Variants in CRAMP1 observed in about 807,000 individuals in gnomAD.
CRAMP1 encodes the protein cramped chromatin regulator 1.
A neutral mutation model predicts 115.4 loss-of-function variants in CRAMP1; 50 were observed. The ratio of observed to expected loss-of-function variants is 0.43; its 90% CI spans 0.35 to 0.55. CRAMP1 has a LOEUF of 0.55. Ranked by LOEUF, CRAMP1 falls within the 20% of genes least tolerant of loss-of-function variation. CRAMP1 has a pLI of 0.01. For synonymous variants in CRAMP1, 866 were observed against 745.4 expected (o/e 1.16, Z -2.64); for missense variants, 1,679 against 1,721.7 (o/e 0.98, Z 0.44).
intron 4 of CRAMP1, among the ~76,000 whole-genome samples, chr16:1,634,019 T>C (rs1418081159): frequency 4.8e-5 from 7 of 146,374 alleles, no homozygotes; most frequent in Admixed American, 1.4e-4. Flanking sequence ...AGAGCAAGAC[T>C]CCGTCTCAAA....
intron 18 of CRAMP1, among the ~76,000 whole-genome samples, chr16:1,668,502 C>T (rs1327056162): frequency 6.6e-6 from 1 of 152,276 alleles, no homozygotes; most frequent in African/African-American, 2.4e-5. Context: ...CCTGAGCAGG[C>T]GGCCTGGGGT....
chr16:1,673,319 T>TC (rs548452776), intron 20 of CRAMP1, among the ~76,000 whole-genome samples: 182 of 133,778 alleles, frequency 1.4e-3, no homozygotes, highest in Non-Finnish European at 1.8e-3. Context: ...CAGGAACGTG[T>TC]CCCCCACCTG....
chr16:1,631,871 G>A (rs2036550452), intron 3 of CRAMP1, among the ~76,000 whole-genome samples: 1 of 152,196 alleles, frequency 6.6e-6, no homozygotes, highest in African/African-American at 2.4e-5. Context: ...TTTTCTTCAT[G>A]GAGGTGTCTC....
chr16:1,670,587 A>G, intron 19 of CRAMP1, 77 bp from the exon 20 acceptor site: 2 of 1,530,198 alleles, frequency 1.3e-6, no homozygotes, highest in Non-Finnish European at 1.8e-6. Flanking sequence ...GGCTGCCCCC[A>G]GCCTCAGGAC....
intron 20 of CRAMP1, among the ~76,000 whole-genome samples, chr16:1,673,251 C>A (rs539924533): frequency 4.6e-5 from 7 of 151,304 alleles, no homozygotes; most frequent in African/African-American, 1.5e-4. Context: ...ACGTGCCCCC[C>A]ACCTGTCCTC....
intron 5 of CRAMP1, among the ~76,000 whole-genome samples, chr16:1,640,457 G>A (rs999897018): frequency 2.0e-5 from 3 of 152,156 alleles, no homozygotes; most frequent in Non-Finnish European, 2.9e-5. Flanking sequence ...TTTCAGCCTG[G>A]TCGTTCGTTT....
In CRAMP1 at chr16:1,668,200, G is replaced by T; in HGVS notation, c.3334+7G>T. Reference sequence around the variant, plus strand: ...ATCAGCTCCGGTCAGTACGGTAAGGGCAGGGCGGCCTCACAGCCCTTCCTG... The same window carrying T: ...ATCAGCTCCGGTCAGTACGGTAAGGTCAGGGCGGCCTCACAGCCCTTCCTG... On this transcript the variant is annotated splice_region_variant and intron_variant, in intron 18 of 20. Transcript: ENST00000397412. 8 of 1,604,254 alleles carry T rather than the reference G, an allele frequency of 5.0e-6. No individual in the cohort carries two copies. Among genetic ancestry groups the T allele is most frequent in the Non-Finnish European group, 6.8e-6 (8 of 1,171,736 alleles).
At chr16:1,646,082 C>T (rs2036672046) in intron 6 of CRAMP1, among the ~76,000 whole-genome samples, 1 of 152,194 alleles carries the variant, frequency 6.6e-6, no homozygotes, top group African/African-American at 2.4e-5. Flanking sequence ...CGAGGCTCTT[C>T]CGTGTTGACT....
At chr16:1,652,861 C>T (rs1391501360) in intron 7 of CRAMP1, among the ~76,000 whole-genome samples, 172 bp from the exon 8 acceptor site, 1 of 152,174 alleles carries the variant, frequency 6.6e-6, no homozygotes, top group Non-Finnish European at 1.5e-5. Flanking sequence ...TTTGCAAACC[C>T]CTGAGCAGCT....
intron 2 of CRAMP1, among the ~76,000 whole-genome samples, chr16:1,619,473 G>T (rs1596481172): frequency 6.6e-6 from 1 of 152,150 alleles, no homozygotes; most frequent in Non-Finnish European, 1.5e-5. Flanking sequence ...GAGCCACTGC[G>T]CCCGGCACAA....
chr16:1,668,281 A>G, intron 18 of CRAMP1, 88 bp downstream of exon 18: 1 of 1,042,378 alleles, frequency 9.6e-7, no homozygotes, highest in Non-Finnish European at 1.5e-6. Context: ...GGGATATTCC[A>G]GTTTTGTGAT....
chr16:1,671,678 G>A lies in CRAMP1; in HGVS notation c.3645+869G>A, dbSNP rs753345398. On this transcript the variant is annotated intron_variant, in intron 20 of 20. Coordinates refer to ENST00000397412, the MANE Select transcript of CRAMP1 (RefSeq NM_020825.4). The surrounding 1 kb of genome is among the most constrained non-coding windows in gnomAD (Gnocchi z 5.0). ...CCGAATCTAGTCCCCACAATGTTGA[G>A]ACATTGGCAGGTGTTCCTTGAGGAT... 6.6e-6 allele frequency among the ~76,000 whole-genome samples: 1 copy of A among 152,196 alleles called. No individual in the cohort carries two copies. The highest frequency in any genetic ancestry group is 2.4e-5 in the African/African-American group (1 of 41,446).
In CRAMP1 at chr16:1,675,403, CG is replaced by C. The variant is rs1208397925; in HGVS notation, c.*1361del. The C allele has an allele frequency of 1.5e-4, 23 of 152,722 alleles. No individual in the cohort carries two copies. Among genetic ancestry groups the C allele is most frequent in the African/African-American group, 5.5e-4 (23 of 41,576 alleles). 9.5% of individuals were successfully genotyped at this position (152,722 alleles called of 1,614,324 possible). ...GCCTCATTTCATCCCCCGCAGCAGC[CG>C]GGATTGATTGTGCTTTCCTAACCCC... On this transcript the variant is annotated 3_prime_UTR_variant, in exon 21 of 21. Transcript: ENST00000397412.
Position 1,632,318 on chromosome 16 carries a change from A to G in CRAMP1, c.647A>G (p.Tyr216Cys). 1 of 1,601,744 alleles carries G rather than the reference A, an allele frequency of 6.2e-7. No individual in the cohort carries two copies. The highest frequency in any genetic ancestry group is 8.5e-7 in the Non-Finnish European group (1 of 1,174,576). The change falls in exon 4 of 21, where the codon TAC (tyrosine) becomes TGC (cysteine). Residue 216 changes from tyrosine (Y) to cysteine (C), a missense_variant. Coordinates refer to ENST00000397412, the MANE Select transcript of CRAMP1 (RefSeq NM_020825.4). ...VKNKEQVRHF[Y>C]YRTWHKITKY... ...AACAAGGAGCAGGTCCGCCACTTCT[A>G]CTACCGCACCTGGCACAAGATCACC...
rs1417588543 is a variant in CRAMP1 at position 1,677,735 on chromosome 16, C to T, written c.*3690C>T. The T allele has an allele frequency of 6.6e-6, 1 of 152,614 alleles. No individual in the cohort carries two copies. The highest frequency in any genetic ancestry group is 1.5e-5 in the Non-Finnish European group (1 of 68,030). The allele number at this position is 152,614 out of a possible 1,614,324, so 9.5% of individuals were successfully genotyped here. Reference sequence around the variant, plus strand: ...GTATAAAGCAGAATGCCTGCCTTTCCTGGTTATTTTTTGTACCATATTGTA... The same window carrying T: ...GTATAAAGCAGAATGCCTGCCTTTCTTGGTTATTTTTTGTACCATATTGTA... On this transcript the variant is annotated 3_prime_UTR_variant, in exon 21 of 21. Coordinates refer to ENST00000397412, the MANE Select transcript of CRAMP1 (RefSeq NM_020825.4).
chr16:1,641,086 G>T (rs1034637074), intron 5 of CRAMP1, 53 bp from the exon 6 acceptor site: 12 of 1,249,824 alleles, frequency 9.6e-6, no homozygotes, highest in African/African-American at 1.5e-5. Context: ...ATCTTCAGTG[G>T]CTTTGCTCCT....
chr16:1,649,177 AG>A, intron 6 of CRAMP1, among the ~76,000 whole-genome samples: 1 of 152,284 alleles, frequency 6.6e-6, no homozygotes, highest in South Asian at 2.1e-4. Flanking sequence ...AGGGCATGGA[AG>A]TTTTTTTTCT....
chr16:1,624,515 G>A (rs1356686648), intron 2 of CRAMP1, among the ~76,000 whole-genome samples: 3 of 149,334 alleles, frequency 2.0e-5, no homozygotes, highest in Admixed American at 6.7e-5. Flanking sequence ...CTGGGTTCAA[G>A]CAATTCAGTT....
chr16:1,646,049 G>A lies in CRAMP1; in HGVS notation c.827+4862G>A, dbSNP rs562303844. Among the ~76,000 whole-genome samples, 21 of 152,066 alleles carry A rather than the reference G, an allele frequency of 1.4e-4. No homozygotes were observed. In the East Asian group the frequency reaches 2.7e-3, roughly 20 times the overall value. On this transcript the variant is annotated intron_variant, in intron 6 of 20. Transcript: ENST00000397412. ...TGGTGTGCAGCCTTCTGAGATGGGCGTCCCCACTCAGCAGTATGCCCTCGA... is the reference window on the plus strand; with the variant it reads ...TGGTGTGCAGCCTTCTGAGATGGGCATCCCCACTCAGCAGTATGCCCTCGA...
Sources: allele counts gnomAD v4.1 joint callset (sites outside exome capture counted in the v4.1 genomes callset), GRCh38; gene constraint gnomAD v4.1.1; non-coding constraint Gnocchi (gnomAD v3.1); transcripts MANE v1.5; gene names NCBI Gene and HGNC (gene_info 2026-07-23, HGNC 2026-07-21).